The following KHDRBS1 variants were observed in gnomAD, a reference collection of about 807,000 sequenced individuals.
KHDRBS1 encodes the protein KH domain-containing, RNA-binding, signal transduction-associated protein 1.
A neutral mutation model predicts 48.4 loss-of-function variants in KHDRBS1; 7 were observed. The ratio of observed to expected loss-of-function variants is 0.14; its 90% confidence interval spans 0.08 to 0.27. KHDRBS1 has a LOEUF of 0.27. Ranked by LOEUF, KHDRBS1 falls within the 10% of genes least tolerant of loss-of-function variation. The probability of loss-of-function intolerance (pLI) is 1.00; values close to 1 mark genes in which losing one functional copy is unlikely to be tolerated. For synonymous variants in KHDRBS1, 241 were observed against 235.8 expected (o/e 1.02, Z -0.20); for missense variants, 458 against 601.2 (o/e 0.76, Z 2.49).
intron 5 of KHDRBS1, among the ~76,000 whole-genome samples, chr1:32,037,475 G>A (rs868276007): frequency 6.6e-6 from 1 of 151,830 alleles, no homozygotes; most frequent in Admixed American, 6.6e-5. Context: ...TCTAGATCTT[G>A]GGCACTTTGA....
At chr1:32,039,383 T>C in intron 7 of KHDRBS1, 132 bp from the exon 8 acceptor site, 1 of 667,256 alleles carries the variant, frequency 1.5e-6, no homozygotes, top group Admixed American at 2.2e-5. Context: ...CTTTACGGTT[T>C]AGGGATGGGG....
At chr1:32,032,937 G>A (rs1008734914) in intron 3 of KHDRBS1, among the ~76,000 whole-genome samples, 4 of 152,130 alleles carry the variant, frequency 2.6e-5, no homozygotes, top group East Asian at 1.9e-4. Context: ...ATCCTCCCGC[G>A]TCAGTCTCCC....
At chr1:32,018,853 T>G (rs1277236272) in intron 1 of KHDRBS1, among the ~76,000 whole-genome samples, 1 of 152,086 alleles carries the variant, frequency 6.6e-6, no homozygotes, top group Admixed American at 6.5e-5. Context: ...GTCGGATCAC[T>G]TGAGGTCAGA....
chr1:32,059,581 A>G (rs1167597869), intron 10 of KHDRBS1, among the ~76,000 whole-genome samples: 1 of 151,256 alleles, frequency 6.6e-6, no homozygotes, highest in African/African-American at 2.4e-5. Context: ...GAGCATTGCT[A>G]TAGGTTTTAG....
intron 10 of KHDRBS1, among the ~76,000 whole-genome samples, chr1:32,049,043 G>GT (rs950094488): frequency 2.3e-3 from 334 of 143,284 alleles, no homozygotes; most frequent in Middle Eastern, 3.5e-3. Flanking sequence ...CTTCCTTTTT[G>GT]TTTTTTTTTT....
At chr1:32,043,898 T>A (rs1402671037), downstream of KHDRBS1, 1 of 152,644 alleles carries the variant, frequency 6.6e-6, no homozygotes, top group African/African-American at 2.4e-5. Flanking sequence ...TGAATTGTCA[T>A]TTTTTTGGGT....
At chr1:32,041,195 G>A (rs1245617526) in intron 8 of KHDRBS1, among the ~76,000 whole-genome samples, 3 of 151,970 alleles carry the variant, frequency 2.0e-5, no homozygotes, top group Admixed American at 1.3e-4. Flanking sequence ...ATCTGTATAC[G>A]TCAGGAAAAA....
intron 1 of KHDRBS1, among the ~76,000 whole-genome samples, chr1:32,017,190 G>GC (rs1638759229): frequency 6.6e-6 from 1 of 151,988 alleles, no homozygotes; most frequent in Admixed American, 6.6e-5. Flanking sequence ...ACCGGGAGTT[G>GC]GAGGTTACAG....
At position 32,042,638 on chromosome 1, in the gene KHDRBS1, G is replaced by A. The variant is rs889561772; in HGVS notation, c.*14G>A. 6.6e-7 allele frequency: 1 copy of A among 1,506,568 alleles called. No individual in the cohort carries two copies. Among genetic ancestry groups the A allele is most frequent in the Non-Finnish European group, 9.2e-7 (1 of 1,082,888 alleles). 93.3% of individuals were successfully genotyped at this position (1,506,568 alleles called of 1,614,324 possible). On this transcript the variant is annotated 3_prime_UTR_variant, in exon 9 of 9. Coordinates refer to ENST00000327300, the MANE Select transcript of KHDRBS1 (RefSeq NM_006559.3). ...GGACGTTATTAAAAACAAACATGAG[G>A]GGAAAATATCAGTTATGAGCAAAGT...
intron 5 of KHDRBS1, among the ~76,000 whole-genome samples, chr1:32,037,592 C>T (rs373843042): frequency 6.6e-6 from 1 of 152,106 alleles, no homozygotes; most frequent in African/African-American, 2.4e-5. Context: ...TTGTGACTGA[C>T]CTTTATAGAG....
At chr1:32,024,295 G>C (rs1328329807) in intron 1 of KHDRBS1, among the ~76,000 whole-genome samples, 2 of 151,706 alleles carry the variant, frequency 1.3e-5, no homozygotes, top group Non-Finnish European at 2.9e-5. Context: ...TGAGTTTGGG[G>C]GTTTTCTAAA....
intron 10 of KHDRBS1, among the ~76,000 whole-genome samples, chr1:32,050,032 G>C (rs188581165): frequency 1.5e-4 from 23 of 152,264 alleles, no homozygotes; most frequent in Non-Finnish European, 2.2e-4. Flanking sequence ...AGCAACATAT[G>C]AGGGTTCCAA....
chr1:32,015,836 C>T (rs975807329), intron 1 of KHDRBS1, among the ~76,000 whole-genome samples: 1 of 152,104 alleles, frequency 6.6e-6, no homozygotes, highest in African/African-American at 2.4e-5. Flanking sequence ...ACCCATTGTG[C>T]GGAAGTGAGA....
intron 4 of KHDRBS1, among the ~76,000 whole-genome samples, chr1:32,036,165 T>C (rs1639174148): frequency 4.5e-4 from 6 of 13,204 alleles, no homozygotes; most frequent in African/African-American, 1.4e-3. Flanking sequence ...TTTTGAAGAT[T>C]TTTTTTTTTT....
downstream of KHDRBS1, among the ~76,000 whole-genome samples, chr1:32,044,087 C>T (rs926462025): frequency 2.0e-5 from 3 of 152,050 alleles, no homozygotes; most frequent in Admixed American, 2.0e-4. Flanking sequence ...TTTTTCACCC[C>T]CTGGAAGTTG....
rs182350486 is a variant in KHDRBS1, at chr1:32,020,068, C to T, written c.382+5691C>T. 1.1e-4 allele frequency among the ~76,000 whole-genome samples: 16 copies of T among 151,756 alleles called. No individual in the cohort carries two copies. The East Asian group carries it at 2.5e-3, about 24-fold the overall frequency. On this transcript the variant is annotated intron_variant, in intron 1 of 8. Transcript: ENST00000327300. ...CAGGTGTGAGCCACCATGCCCAGCC[C>T]AATGCAGGTTTTGTTTGTTTGTTTG... is the stretch of plus-strand genomic sequence containing the variant.
At chr1:32,059,187 A>C (rs1460954297) in intron 10 of KHDRBS1, among the ~76,000 whole-genome samples, 1 of 150,750 alleles carries the variant, frequency 6.6e-6, no homozygotes. Context: ...AAAAAAAACA[A>C]AACCTTTTAG....
In KHDRBS1 at chr1:32,043,011, T is replaced by A. The variant is rs1416226722; in HGVS notation, c.*387T>A. 6 of 154,612 alleles carry A rather than the reference T, an allele frequency of 3.9e-5. No homozygotes were observed. Among genetic ancestry groups the A allele is most frequent in the African/African-American group, 1.4e-4 (6 of 41,438 alleles). 9.6% of individuals were successfully genotyped at this position (154,612 alleles called of 1,614,324 possible). ...TTAAAGGTTCTGAAGTAAAGGCTTG[T>A]TAAGTTTCTCTTAGTTTTGATTTGA... On this transcript the variant is annotated 3_prime_UTR_variant, in exon 9 of 9. Coordinates refer to ENST00000327300, the MANE Select transcript of KHDRBS1 (RefSeq NM_006559.3).
intron 1 of KHDRBS1, among the ~76,000 whole-genome samples, chr1:32,024,317 A>G (rs1194705134): frequency 1.3e-5 from 2 of 150,186 alleles, no homozygotes; most frequent in African/African-American, 4.9e-5. Context: ...TTTTTTATTA[A>G]TTTTTTTTTA....
Sources: gnomAD v4.1 joint callset for allele counts (sites outside exome capture counted in the v4.1 genomes callset) on GRCh38, gnomAD v4.1.1 for gene constraint, MANE v1.5 for transcripts, NCBI Gene and HGNC (gene_info 2026-07-23, HGNC 2026-07-21) for gene names.